Variants in FOXP2 observed in about 807,000 individuals in gnomAD.
FOXP2 encodes forkhead box P2.
A neutral mutation model predicts 115.8 loss-of-function variants in FOXP2; 12 were observed. The observed-to-expected ratio is 0.10, with a 90% CI of 0.07 to 0.17. The LOEUF (loss-of-function observed/expected upper bound fraction) is 0.17. Among genes scored for constraint, FOXP2 ranks in the 10% least tolerant of loss-of-function variants. FOXP2 has a pLI of 1.00. For missense variants in FOXP2, 629 were observed against 843.5 expected, an observed-to-expected ratio of 0.75 and a Z score of 3.15; for synonymous variants, 328 against 297.7, an observed-to-expected ratio of 1.10 and a Z score of -1.05.
At chr7:114,268,722 GTGTGTGTGTA>G (rs2129172463) in intron 1 of FOXP2, among the ~76,000 whole-genome samples, 1 of 151,574 alleles carries the variant, frequency 6.6e-6, no homozygotes, top group African/African-American at 2.4e-5. Context: ...GTGTGTGTGT[GTGTGTGTGTA>G]TGTGTGTATT....
intron 3 of FOXP2, among the ~76,000 whole-genome samples, chr7:114,599,931 C>G (rs1802931586): frequency 6.6e-6 from 1 of 152,086 alleles, no homozygotes; most frequent in Non-Finnish European, 1.5e-5. Context: ...TTCCCTTATA[C>G]TCCCTCTTCC....
In FOXP2 at chr7:114,550,472, TTC is replaced by T. The variant is rs551791317; in HGVS notation, c.258+15776_258+15777del. ...TTCCAACCTCCCTCTCTCCCACCTT[TTC>T]TCTCTCTCTTTCTTTCTTTCATTGC... On this transcript the variant is annotated intron_variant, in intron 3 of 16. Coordinates refer to ENST00000350908, the MANE Select transcript of FOXP2 (RefSeq NM_014491.4). 5.6e-3 allele frequency among the ~76,000 whole-genome samples: 859 copies of T among 152,230 alleles called. 5 individuals are homozygous for T. Among genetic ancestry groups the T allele is most frequent in the African/African-American group, 0.019 (797 of 41,542 alleles).
chr7:114,669,997 T>G (rs914665045), intron 16 of FOXP2: 1 of 152,082 alleles, frequency 6.6e-6, no homozygotes, highest in African/African-American at 2.4e-5. Context: ...TGGTTTTGTA[T>G]GGAGTGCTTT....
intron 16 of FOXP2, 39 bp downstream of exon 16, chr7:114,664,475 A>G (rs774832854): frequency 2.5e-6 from 4 of 1,609,290 alleles, no homozygotes; most frequent in East Asian, 2.2e-5. Flanking sequence ...GGAAGAATCT[A>G]TATTAATATG....
At chr7:114,613,812 G>T (rs1424071433) in intron 3 of FOXP2, 1 of 150,768 alleles carries the variant, frequency 6.6e-6, no homozygotes, top group Admixed American at 6.6e-5. Context: ...CTACCACCAG[G>T]TGGTCTCCCG....
chr7:114,560,928 A>G lies in FOXP2; in HGVS notation c.258+26222A>G, dbSNP rs1800729215. On this transcript the variant is annotated intron_variant, in intron 3 of 16. Transcript: ENST00000350908. Reference sequence around the variant, plus strand: ...ATTCAAAGGATATAGAGTTGCTTACAAAATACAAGGCAAAGCTAAGCAAAA... The same window carrying G: ...ATTCAAAGGATATAGAGTTGCTTACGAAATACAAGGCAAAGCTAAGCAAAA... 2 of 152,240 alleles carry G rather than the reference A, an allele frequency of 1.3e-5. 1 individual carries two copies. Among genetic ancestry groups the G allele is most frequent in the South Asian group, 4.1e-4 (2 of 4,834 alleles). 9.4% of individuals were successfully genotyped at this position (152,240 alleles called of 1,614,324 possible).
chr7:114,376,996 A>G lies in FOXP2; in HGVS notation c.-10-49506A>G, dbSNP rs139916443. Among the ~76,000 whole-genome samples, 529 of 152,282 alleles carry G rather than the reference A, an allele frequency of 3.5e-3. 4 individuals are homozygous for G. Among genetic ancestry groups the G allele is most frequent in the African/African-American group, 0.012 (508 of 41,546 alleles). ...AGTATTGTTGCATAGGATCATTGTG[A>G]GGATTAACTGATAAAGTGCAGGACA... is the stretch of plus-strand genomic sequence containing the variant. On this transcript the variant is annotated intron_variant, in intron 2 of 17. Transcript: ENST00000634411.
intron 16 of FOXP2, 135 bp from the exon 17 acceptor site, chr7:114,689,647 C>T: frequency 1.2e-6 from 1 of 828,374 alleles, no homozygotes; most frequent in Non-Finnish European, 2.0e-6. Context: ...CTCACGCAAT[C>T]AATCAGATGC....
chr7:114,631,114 C>T, intron 5 of FOXP2: 1 of 232,978 alleles, frequency 4.3e-6, no homozygotes, highest in Non-Finnish European at 8.6e-6. Flanking sequence ...TAATAGATCA[C>T]CAGAGACCAC....
At chr7:114,463,888 A>G (rs1330834362) in intron 2 of FOXP2, among the ~76,000 whole-genome samples, 3 of 152,218 alleles carry the variant, frequency 2.0e-5, no homozygotes, top group African/African-American at 4.8e-5. Flanking sequence ...GATAGATCTG[A>G]TGCTTGAGAT....
intron 1 of FOXP2, among the ~76,000 whole-genome samples, chr7:114,100,087 T>C (rs1315554948): frequency 6.6e-6 from 1 of 152,226 alleles, no homozygotes. Flanking sequence ...AACTTGTTTT[T>C]GTAATGTCTA....
At chr7:114,224,957 G>A (rs1794710583) in intron 1 of FOXP2, among the ~76,000 whole-genome samples, 1 of 152,152 alleles carries the variant, frequency 6.6e-6, no homozygotes, top group African/African-American at 2.4e-5. Context: ...ACTTTTTGCA[G>A]TTGACAAGAG....
Position 114,264,065 on chromosome 7 carries a change from T to G in FOXP2, c.-101-23954T>G, listed in dbSNP as rs1584590454. On this transcript the variant is annotated intron_variant, in intron 1 of 17. Transcript: ENST00000634411. ...GCCGCCCAGGAGTTCTGAAAGTGTG[T>G]CTAGGGTTTCTCTAAGACCCTGTCA... 2.0e-5 allele frequency among the ~76,000 whole-genome samples: 3 copies of G among 152,084 alleles called. No individual in the cohort carries two copies. In the East Asian group the frequency reaches 5.8e-4, roughly 30 times the overall value.
chr7:114,487,055 C>G (rs770687815), intron 2 of FOXP2, among the ~76,000 whole-genome samples: 1 of 152,148 alleles, frequency 6.6e-6, no homozygotes, highest in Non-Finnish European at 1.5e-5. Flanking sequence ...TGTGAGGGCT[C>G]CCACCCCACC....
At chr7:114,470,139 C>G (rs965416451) in intron 2 of FOXP2, among the ~76,000 whole-genome samples, 3 of 152,116 alleles carry the variant, frequency 2.0e-5, no homozygotes, top group African/African-American at 7.2e-5. Context: ...CCTACAAAAG[C>G]AAAATTGTCT....
intron 2 of FOXP2, among the ~76,000 whole-genome samples, chr7:114,441,263 C>T (rs1482390035): frequency 1.3e-5 from 2 of 151,994 alleles, no homozygotes; most frequent in Non-Finnish European, 1.5e-5. Flanking sequence ...GCCTGGCCAA[C>T]ATGGTGAAAC....
chr7:114,519,970 C>A (rs544790228), intron 2 of FOXP2, among the ~76,000 whole-genome samples: 12 of 152,142 alleles, frequency 7.9e-5, no homozygotes, highest in African/African-American at 2.9e-4. Flanking sequence ...AAACTGAAAT[C>A]CAGTTTTAAA....
chr7:114,614,402 G>A (rs1803813508), intron 3 of FOXP2, among the ~76,000 whole-genome samples: 1 of 152,064 alleles, frequency 6.6e-6, no homozygotes, highest in Non-Finnish European at 1.5e-5. Flanking sequence ...TTGACCTATA[G>A]GAGTGTTTCA....
chr7:114,276,691 C>A (rs1480419143), intron 1 of FOXP2, among the ~76,000 whole-genome samples: 1 of 152,104 alleles, frequency 6.6e-6, no homozygotes, highest in Non-Finnish European at 1.5e-5. Context: ...CCATAGTGGT[C>A]ATGATAGGAC....
Sources: gnomAD v4.1 joint callset for allele counts (sites outside exome capture counted in the v4.1 genomes callset) on GRCh38, gnomAD v4.1.1 for gene constraint, MANE v1.5 for transcripts, NCBI Gene and HGNC (gene_info 2026-07-23, HGNC 2026-07-21) for gene names.